The following CDK5RAP2 variants were observed in gnomAD, a reference collection of about 807,000 sequenced individuals.
The protein encoded by CDK5RAP2 is CDK5 regulatory subunit associated protein 2.
A neutral mutation model predicts 232.9 loss-of-function variants in CDK5RAP2; 147 were observed. The ratio of observed to expected loss-of-function variants is 0.63; its 90% CI spans 0.55 to 0.72. The LOEUF (loss-of-function observed/expected upper bound fraction) is 0.72. Ranked by LOEUF, CDK5RAP2 falls within the 30% of genes least tolerant of loss-of-function variation. The pLI, the probability that CDK5RAP2 is intolerant of heterozygous loss-of-function variation, is 0.00. For missense variants in CDK5RAP2, 2,195 were observed against 2,231.5 expected (o/e 0.98, Z 0.33); for synonymous variants, 833 against 833.7 (o/e 1.00, Z 0.01).
intron 5 of CDK5RAP2, among the ~76,000 whole-genome samples, chr9:120,545,100 C>G (rs1041022645): frequency 4.0e-5 from 6 of 151,828 alleles, no homozygotes; most frequent in Non-Finnish European, 5.9e-5. Context: ...CAAAATATTA[C>G]GAGGGTCCCT....
chr9:120,518,310 A>G (rs2040454745), intron 12 of CDK5RAP2, 117 bp downstream of exon 12: 3 of 811,140 alleles, frequency 3.7e-6, no homozygotes, highest in South Asian at 2.9e-5. Context: ...AGGTACTGAG[A>G]TAATAAGTGA....
At chr9:120,537,288 T>A (rs995801482) in intron 6 of CDK5RAP2, among the ~76,000 whole-genome samples, 4 of 151,994 alleles carry the variant, frequency 2.6e-5, no homozygotes, top group Non-Finnish European at 4.4e-5. Flanking sequence ...ATAACCACCG[T>A]CCCATCAAAG....
chr9:120,402,142 T>A (rs1051266416), intron 34 of CDK5RAP2, among the ~76,000 whole-genome samples: 1 of 151,852 alleles, frequency 6.6e-6, no homozygotes, highest in African/African-American at 2.4e-5. Context: ...AAATTTTTTT[T>A]AAAAGCCAGG....
intron 14 of CDK5RAP2, among the ~76,000 whole-genome samples, chr9:120,481,496 T>C (rs1465932665): frequency 1.3e-5 from 2 of 151,758 alleles, no homozygotes; most frequent in Non-Finnish European, 2.9e-5. Flanking sequence ...ATGTCAATAT[T>C]GTTTTCTTTT....
chr9:120,550,537 TTAAC>T (rs763601487), intron 4 of CDK5RAP2, among the ~76,000 whole-genome samples: 3 of 152,146 alleles, frequency 2.0e-5, no homozygotes, highest in Admixed American at 2.0e-4. Context: ...TTATAAAAAC[TTAAC>T]TGAGGTAAAA....
At chr9:120,446,500 A>G (rs2036199614) in intron 22 of CDK5RAP2, among the ~76,000 whole-genome samples, 1 of 152,206 alleles carries the variant, frequency 6.6e-6, no homozygotes, top group Admixed American at 6.5e-5. Flanking sequence ...TGCTGGGATT[A>G]CATGTGTGAG....
chr9:120,558,227 G>C (rs756415276), intron 3 of CDK5RAP2, among the ~76,000 whole-genome samples: 1 of 148,608 alleles, frequency 6.7e-6, no homozygotes, highest in African/African-American at 2.5e-5. Context: ...ACAAAACTTA[G>C]CTGGGTGTAC....
At chr9:120,570,580 C>G (rs950406518) in intron 2 of CDK5RAP2, among the ~76,000 whole-genome samples, 1 of 152,234 alleles carries the variant, frequency 6.6e-6, no homozygotes, top group Non-Finnish European at 1.5e-5. Context: ...TGGCTCATGC[C>G]TGTAAACCCA....
At chr9:120,476,614 G>C (rs1050657021) in intron 15 of CDK5RAP2, among the ~76,000 whole-genome samples, 1 of 151,674 alleles carries the variant, frequency 6.6e-6, no homozygotes, top group African/African-American at 2.4e-5. Context: ...GGGAGGCGGA[G>C]GTTGCAGTGA....
At chr9:120,556,243 G>A (rs1388536054) in intron 3 of CDK5RAP2, among the ~76,000 whole-genome samples, 1 of 152,114 alleles carries the variant, frequency 6.6e-6, no homozygotes, top group East Asian at 1.9e-4. Flanking sequence ...TAAAATTGGT[G>A]CATTTTATTT....
chr9:120,455,221 G>A (rs941671864), intron 20 of CDK5RAP2, among the ~76,000 whole-genome samples: 5 of 152,148 alleles, frequency 3.3e-5, no homozygotes, highest in Non-Finnish European at 1.5e-5. Flanking sequence ...AACAGCGGAG[G>A]GCTTCTAACA....
At chr9:120,427,430 C>T (rs916475488) in intron 25 of CDK5RAP2, among the ~76,000 whole-genome samples, 13 of 152,220 alleles carry the variant, frequency 8.5e-5, no homozygotes, top group African/African-American at 3.1e-4. Context: ...TGCTCTCCCC[C>T]ATAGAGGAAA....
At chr9:120,462,897 G>A (rs1303238197) in intron 18 of CDK5RAP2, among the ~76,000 whole-genome samples, 1 of 152,166 alleles carries the variant, frequency 6.6e-6, no homozygotes, top group Non-Finnish European at 1.5e-5. Flanking sequence ...TGAAGTACTT[G>A]GGGGAAGTAT....
intron 1 of CDK5RAP2, among the ~76,000 whole-genome samples, chr9:120,574,086 C>T (rs2042947926): frequency 1.3e-5 from 2 of 152,174 alleles, no homozygotes; most frequent in African/African-American, 4.8e-5. Flanking sequence ...CAAACAAAGC[C>T]AAAGATTCTG....
chr9:120,563,810 T>C (rs1231000981), intron 3 of CDK5RAP2, among the ~76,000 whole-genome samples: 1 of 152,206 alleles, frequency 6.6e-6, no homozygotes, highest in East Asian at 1.9e-4. Context: ...AAACATATTA[T>C]TGCAAATTTA....
At position 120,447,916 on chromosome 9, in the gene CDK5RAP2, G is replaced by C. The variant is rs370366333; in HGVS notation, c.3004C>G (p.Pro1002Ala). The C allele has an allele frequency of 1.5e-5, 25 of 1,613,888 alleles. No individual in the cohort carries two copies. Among genetic ancestry groups the C allele is most frequent in the Non-Finnish European group, 1.9e-5 (23 of 1,179,898 alleles). ...TTACCATTCAGCAACGTTTTGTCGG[G>C]CGTTGGCCTCCCCTCCATCACTGCT... ...AEAVMEGRPT[P>A]DKTLLNAQPP... Residue 1002 changes from proline (P) to alanine (A), a missense_variant, in exon 22 of 38, where the codon CCC becomes GCC. By Grantham distance (27) the Pro-to-Ala change is conservative. Coordinates refer to ENST00000349780, the MANE Select transcript of CDK5RAP2 (RefSeq NM_018249.6).
At position 120,415,087 on chromosome 9, in the gene CDK5RAP2, T is replaced by A; in HGVS notation, c.4250A>T (p.Glu1417Val). The A allele has an allele frequency of 6.2e-7, 1 of 1,614,062 alleles. No homozygotes were observed. The highest frequency in any genetic ancestry group is 1.1e-5 in the South Asian group (1 of 91,086). The part of the protein sequence containing the change: ...KRLEESIKTN[E>V]KLRKQLERQG... ...CCGTTCCAACTGTTTCCGTAGCTTC[T>A]CATTTGTTTTAATAGATTCTTCTAA... Residue 1417 changes from glutamate (E) to valine (V), a missense_variant, in exon 28 of 38, where the codon GAG becomes GTG. Transcript: ENST00000349780.
rs2041081738 is a variant in CDK5RAP2, at chr9:120,530,085, G to A, written c.718C>T (p.Leu240Phe). Residue 240 changes from leucine (L) to phenylalanine (F), a missense_variant, in exon 8 of 38, where the codon CTT (leucine) becomes TTT (phenylalanine). By Grantham distance (22) the Leu-to-Phe change is conservative. Transcript: ENST00000349780. ...GCCATCTGAGATTTCTCCTCTTTAAGGCACTGAATTAAAGCTTCTTTGCTC... is the reference window on the plus strand; with the variant it reads ...GCCATCTGAGATTTCTCCTCTTTAAAGCACTGAATTAAAGCTTCTTTGCTC... ...LKSKEALIQC[L>F]KEEKSQMACP... The A allele has an allele frequency of 6.2e-7, 1 of 1,613,282 alleles. No homozygotes were observed. The highest frequency in any genetic ancestry group is 8.5e-7 in the Non-Finnish European group (1 of 1,179,444).
In CDK5RAP2 at chr9:120,518,165, CTGTGTGTGTGTG is replaced by C. The variant is rs56032707; in HGVS notation, c.1311+250_1311+261del. Among the ~76,000 whole-genome samples, 4,133 of 111,252 alleles carry C rather than the reference CTGTGTGTGTGTG, an allele frequency of 0.037. 160 individuals are homozygous for C. The highest frequency in any genetic ancestry group is 0.093 in the African/African-American group (2,829 of 30,438). The allele number at this position is 111,252 out of a possible 152,430, so 73.0% of individuals were successfully genotyped here. A position where few individuals can be genotyped will look rare whatever the true frequency, so the allele number is the denominator to read the frequency against. ...CTGTATTTTCAACTCGATAACAACT[CTGTGTGTGTGTG>C]TGTGTGTGTGTGTGTGTGTGTGTGT... On this transcript the variant is annotated intron_variant, in intron 12 of 37. Transcript: ENST00000349780.
Sources: gnomAD v4.1 joint callset for allele counts (sites outside exome capture counted in the v4.1 genomes callset) on GRCh38, gnomAD v4.1.1 for gene constraint, MANE v1.5 for transcripts, NCBI Gene and HGNC (gene_info 2026-07-23, HGNC 2026-07-21) for gene names.